The following SYTL5 variants were observed in gnomAD, a reference collection of about 807,000 sequenced individuals.
The protein encoded by SYTL5 is synaptotagmin-like protein 5.
Under a neutral mutation model 55.9 loss-of-function variants are expected in SYTL5, and 34 were observed. The observed-to-expected ratio is 0.61, with a 90% CI of 0.46 to 0.81. The LOEUF (loss-of-function observed/expected upper bound fraction) is 0.81, where lower values mean the gene tolerates loss of function less well. Among genes scored for constraint, SYTL5 ranks in the 30% least tolerant of loss-of-function variants. The pLI is 0.00. For missense variants in SYTL5, 637 were observed against 546.7 expected (o/e 1.17, Z -1.65); for synonymous variants, 221 against 188.7 (o/e 1.17, Z -1.40).
the SYTL5 span, among the ~76,000 whole-genome samples, chrX:37,924,426 A>C: frequency 8.9e-6 from 1 of 111,882 alleles, no homozygotes; most frequent in Non-Finnish European, 1.9e-5. Flanking sequence ...TGTGGCACAT[A>C]GTAGGTACCT....
At chrX:37,990,033 C>T in the SYTL5 span, among the ~76,000 whole-genome samples, 18 of 109,902 alleles carry the variant, frequency 1.6e-4, no homozygotes, top group Admixed American at 1.3e-3. Context: ...CCACCACGCC[C>T]GGCTAATTAT....
chrX:38,056,815 TTCTTCCTAATC>T (rs1228918055), intron 3 of SYTL5, among the ~76,000 whole-genome samples: 2 of 111,973 alleles, frequency 1.8e-5, no homozygotes, highest in East Asian at 5.6e-4. Flanking sequence ...ATGATTAGAT[TTCTTCCTAATC>T]AGATTATTAG....
chrX:38,026,435 C>T (rs1348980831), intron 1 of SYTL5, among the ~76,000 whole-genome samples: 2 of 111,501 alleles, frequency 1.8e-5, no homozygotes, highest in African/African-American at 6.5e-5. Flanking sequence ...GATCCAGATC[C>T]CAAGAGTGGG....
At chrX:37,955,053 A>G in the SYTL5 span, among the ~76,000 whole-genome samples, 42 of 111,294 alleles carry the variant, frequency 3.8e-4, no homozygotes, top group Non-Finnish European at 6.8e-4. Context: ...GGATCTTTTT[A>G]CCACTAACGA....
intron 1 of SYTL5, chrX:38,023,942 G>GCTTT (rs1934660270): frequency 1.8e-5 from 2 of 108,675 alleles, no homozygotes; most frequent in African/African-American, 6.8e-5. Context: ...ACCATTAAAA[G>GCTTT]TAATAGCAAA....
At chrX:38,110,845 C>A (rs1476167943) in intron 13 of SYTL5, among the ~76,000 whole-genome samples, 1 of 111,763 alleles carries the variant, frequency 8.9e-6, no homozygotes, top group African/African-American at 3.2e-5. Flanking sequence ...CCAAACATTA[C>A]CTTTATTTCT....
At chrX:38,022,967 C>CGA (rs1167258141) in intron 1 of SYTL5, among the ~76,000 whole-genome samples, 1 of 111,052 alleles carries the variant, frequency 9.0e-6, no homozygotes, top group Non-Finnish European at 1.9e-5. Context: ...AGGATAGATA[C>CGA]GAGAGAGAGA....
chrX:38,075,418 C>A (rs1400175487), intron 5 of SYTL5, among the ~76,000 whole-genome samples: 1 of 111,669 alleles, frequency 9.0e-6, no homozygotes, highest in Non-Finnish European at 1.9e-5. Context: ...TTATAAATTA[C>A]TGAGTACATA....
At chrX:38,120,558 C>T (rs750780732) in intron 14 of SYTL5, 92 bp downstream of exon 14, 11 of 670,232 alleles carry the variant, frequency 1.6e-5, no homozygotes, top group Non-Finnish European at 2.4e-5. Context: ...ATATTTCTTT[C>T]ATATTACACA....
the SYTL5 span, among the ~76,000 whole-genome samples, chrX:37,909,330 A>T: frequency 1.8e-5 from 2 of 112,452 alleles, no homozygotes; most frequent in African/African-American, 3.2e-5. Context: ...TAATGATTAC[A>T]ATTGTCTTAG....
the SYTL5 span, among the ~76,000 whole-genome samples, chrX:37,996,075 G>A: frequency 8.9e-6 from 1 of 112,000 alleles, no homozygotes; most frequent in East Asian, 2.8e-4. Flanking sequence ...CTGAGGTGGA[G>A]TTTGGAGGTT....
chrX:38,098,243 C>G (rs138762653), intron 9 of SYTL5, among the ~76,000 whole-genome samples: 1 of 111,206 alleles, frequency 9.0e-6, no homozygotes, highest in South Asian at 3.7e-4. Context: ...GACACCACTA[C>G]AGATGTGAAA....
At chrX:38,018,893 A>G (rs997683665) in intron 1 of SYTL5, among the ~76,000 whole-genome samples, 2 of 111,340 alleles carry the variant, frequency 1.8e-5, no homozygotes, top group Admixed American at 1.9e-4. Context: ...TTAGTTCCTA[A>G]TCTCTCCCTG....
At chrX:38,011,993 G>A (rs958731445) in intron 1 of SYTL5, among the ~76,000 whole-genome samples, 24 of 110,851 alleles carry the variant, frequency 2.2e-4, no homozygotes, top group Non-Finnish European at 1.3e-4. Flanking sequence ...TACCTTCACC[G>A]AACACTTAAT....
intron 1 of SYTL5, among the ~76,000 whole-genome samples, chrX:38,007,545 T>C (rs1359210695): frequency 8.9e-6 from 1 of 111,848 alleles, no homozygotes; most frequent in Non-Finnish European, 1.9e-5. Flanking sequence ...AAAATATTGT[T>C]TACATGTAAT....
the SYTL5 span, among the ~76,000 whole-genome samples, chrX:37,954,426 T>A: frequency 1.8e-5 from 2 of 111,636 alleles, no homozygotes; most frequent in Non-Finnish European, 3.8e-5. Flanking sequence ...GGTGCTTTGA[T>A]GAGTTCACGT....
At chrX:38,110,283 C>T (rs750547546) in intron 12 of SYTL5, 38 bp from the exon 13 acceptor site, 3 of 1,112,692 alleles carry the variant, frequency 2.7e-6, no homozygotes, top group Admixed American at 5.2e-5. Context: ...GGATAGAGCC[C>T]TCCTTGTGGA....
At chrX:37,959,395 C>T in the SYTL5 span, among the ~76,000 whole-genome samples, 1 of 112,096 alleles carries the variant, frequency 8.9e-6, no homozygotes, top group South Asian at 3.7e-4. Flanking sequence ...GAATTAACAA[C>T]AGAAGCTTTG....
chrX:37,965,191 G>A, the SYTL5 span, among the ~76,000 whole-genome samples: 1 of 111,215 alleles, frequency 9.0e-6, no homozygotes, highest in Non-Finnish European at 1.9e-5. Flanking sequence ...TTTTAATATA[G>A]GAATTTATTG....
Sources: allele counts gnomAD v4.1 joint callset (sites outside exome capture counted in the v4.1 genomes callset), GRCh38; gene constraint gnomAD v4.1.1; transcripts MANE v1.5; gene names NCBI Gene and HGNC (gene_info 2026-07-23, HGNC 2026-07-21).